The following PLCH1 variants were observed in gnomAD, a reference collection of about 807,000 sequenced individuals.
PLCH1 encodes the protein 1-phosphatidylinositol 4,5-bisphosphate phosphodiesterase eta-1.
A neutral mutation model predicts 126.7 loss-of-function variants in PLCH1; 60 were observed. The ratio of observed to expected loss-of-function variants is 0.47; its 90% CI spans 0.38 to 0.59. The LOEUF is 0.59. PLCH1 is among the 20% of genes least tolerant of loss of function. The pLI is 0.00. For synonymous variants in PLCH1, 719 were observed against 734.9 expected, an observed-to-expected ratio of 0.98 and a Z score of 0.35; for missense variants, 1,723 against 2,040.0, an observed-to-expected ratio of 0.84 and a Z score of 2.99.
chr3:155,530,013 C>T (rs567613286), intron 10 of PLCH1, among the ~76,000 whole-genome samples: 4 of 152,214 alleles, frequency 2.6e-5, no homozygotes, highest in Admixed American at 1.3e-4. Flanking sequence ...GTGATCCACC[C>T]GCCTTGGCCT....
Position 155,715,946 on chromosome 3 carries a change from C to T in PLCH1, c.-40-11682G>A, listed in dbSNP as rs144730462. ...GGGCCTATTTTGCATCTTTTTCTAA[C>T]CTTCTAATTTCAACGTTTAACTGTT... On this transcript the variant is annotated intron_variant, in intron 1 of 22. Transcript: ENST00000460012. 2.5e-3 allele frequency among the ~76,000 whole-genome samples: 385 copies of T among 152,194 alleles called. 4 individuals carry two copies. Among genetic ancestry groups the T allele is most frequent in the African/African-American group, 8.7e-3 (363 of 41,528 alleles).
Position 155,486,065 on chromosome 3 carries a change from G to A in PLCH1, c.2620-355C>T, listed in dbSNP as rs185733343. 3,127 of 837,448 alleles carry A rather than the reference G, an allele frequency of 3.7e-3. 17 individuals carry two copies. The highest frequency in any genetic ancestry group is 3.7e-3 in the Non-Finnish European group (1,963 of 525,234). The allele number at this position is 837,448 out of a possible 1,614,324, so 51.9% of individuals were successfully genotyped here. ...TTTCAAAGTGGTAAGCAGGAAGATG[G>A]AGTGATATGAAAAAGCATGCTGCCA... is the stretch of plus-strand genomic sequence containing the variant. On this transcript the variant is annotated intron_variant, in intron 21 of 22. Transcript: ENST00000460012.
chr3:155,682,225 G>C (rs928939196), intron 2 of PLCH1, among the ~76,000 whole-genome samples: 1 of 152,190 alleles, frequency 6.6e-6, no homozygotes, highest in Non-Finnish European at 1.5e-5. Flanking sequence ...AAATGAATGA[G>C]AGAAGGTAGA....
In PLCH1 at chr3:155,480,780, CA is replaced by C; in HGVS notation, c.*187del. The C allele has an allele frequency of 5.2e-6, 3 of 580,516 alleles. No individual in the cohort carries two copies. The East Asian group carries it at 8.5e-5, about 16-fold the overall frequency. The allele number at this position is 580,516 out of a possible 1,614,324, so 36.0% of individuals were successfully genotyped here. On this transcript the variant is annotated 3_prime_UTR_variant, in exon 23 of 23. Coordinates refer to ENST00000460012, the MANE Select transcript of PLCH1 (RefSeq NM_014996.4). ...CAAGGGAGAAAGATCATAATAGGTACATGGGAAATGTCACCAAATCTATATA... is the reference window on the plus strand; with the variant it reads ...CAAGGGAGAAAGATCATAATAGGTACTGGGAAATGTCACCAAATCTATATA...
At chr3:155,666,439 G>C (rs780296889) in intron 2 of PLCH1, among the ~76,000 whole-genome samples, 1 of 152,054 alleles carries the variant, frequency 6.6e-6, no homozygotes, top group South Asian at 2.1e-4. Context: ...CTGGTCTATG[G>C]ATGATCCTAA....
chr3:155,623,007 T>C (rs926738923), intron 2 of PLCH1, among the ~76,000 whole-genome samples: 3 of 152,114 alleles, frequency 2.0e-5, no homozygotes, highest in Non-Finnish European at 4.4e-5. Context: ...GACCATATAA[T>C]TGGAAGTAAA....
In PLCH1 at chr3:155,550,977, G is replaced by T. The variant is rs187061449; in HGVS notation, c.1191-1019C>A. On this transcript the variant is annotated intron_variant, in intron 9 of 22. Transcript: ENST00000460012. ...AGATGAGCCTTTGTGGCTGAGGTAG[G>T]TTTCCTTACTCGACTACAATCTGTT... 2.6e-3 allele frequency among the ~76,000 whole-genome samples: 393 copies of T among 152,254 alleles called. 1 individual carries two copies. Among genetic ancestry groups the T allele is most frequent in the Admixed American group, 9.3e-3 (142 of 15,302 alleles).
intron 2 of PLCH1, among the ~76,000 whole-genome samples, chr3:155,613,684 C>T (rs1336852377): frequency 6.6e-6 from 1 of 152,142 alleles, no homozygotes; most frequent in African/African-American, 2.4e-5. Context: ...GACAAATGCA[C>T]AGACAACATA....
downstream of PLCH1, among the ~76,000 whole-genome samples, chr3:155,477,305 A>C (rs1713585097): frequency 6.6e-6 from 1 of 152,174 alleles, no homozygotes; most frequent in South Asian, 2.1e-4. Context: ...ACTACAAGAA[A>C]ATATTGGAAA....
intron 21 of PLCH1, among the ~76,000 whole-genome samples, chr3:155,470,026 C>T (rs1041307392): frequency 6.6e-6 from 1 of 152,200 alleles, no homozygotes; most frequent in African/African-American, 2.4e-5. Flanking sequence ...CGCCTCTCCT[C>T]CTCCAAAGGA....
intron 2 of PLCH1, among the ~76,000 whole-genome samples, chr3:155,637,806 C>T (rs886928483): frequency 1.3e-5 from 2 of 152,148 alleles, no homozygotes; most frequent in African/African-American, 2.4e-5. Context: ...TTTAAAGTAA[C>T]CTTTCAAATC....
At position 155,681,762 on chromosome 3, in the gene PLCH1, G is replaced by A. The variant is rs141074616; in HGVS notation, c.79+22384C>T. On this transcript the variant is annotated intron_variant, in intron 2 of 22. Transcript: ENST00000460012. ...TCAACAAGAATTTTCCAATCTACAT[G>A]CAACCCCAAAGGGCTAGATGCAGGG... Among the ~76,000 whole-genome samples, 1,067 of 152,256 alleles carry A rather than the reference G, an allele frequency of 7.0e-3. 6 individuals carry two copies. Among genetic ancestry groups the A allele is most frequent in the South Asian group, 0.021 (102 of 4,818 alleles).
intron 8 of PLCH1, among the ~76,000 whole-genome samples, chr3:155,560,164 G>C (rs1289085367): frequency 6.6e-6 from 1 of 152,162 alleles, no homozygotes; most frequent in Admixed American, 6.5e-5. Flanking sequence ...AGAGTTGACT[G>C]TCACTTCATG....
At position 155,482,356 on chromosome 3, in the gene PLCH1, G is replaced by C. The variant is rs1055863479; in HGVS notation, c.3670C>G (p.Leu1224Val). 1.2e-6 allele frequency: 2 copies of C among 1,614,174 alleles called. No homozygotes were observed. Among genetic ancestry groups the C allele is most frequent in the Non-Finnish European group, 1.7e-6 (2 of 1,180,028 alleles). The change falls in exon 23 of 23, where the codon CTG becomes GTG. Residue 1224 changes from leucine to valine, a missense_variant. Physicochemically the swap from Leu to Val is conservative, Grantham distance 32. This residue lies in a region of PLCH1 where 947 missense variants were observed against 977.1 expected (regional missense o/e 0.97). Coordinates refer to ENST00000460012, the MANE Select transcript of PLCH1 (RefSeq NM_014996.4). ...VMSGHCPLPS[L>V]GLKMPIKHGF... Reference sequence around the variant, plus strand: ...TGCTTGATGGGCATTTTTAGGCCCAGGCTAGGCAAGGGACAATGGCCTGAC... The same window carrying C: ...TGCTTGATGGGCATTTTTAGGCCCACGCTAGGCAAGGGACAATGGCCTGAC...
At chr3:155,628,882 G>A (rs1188591179) in intron 2 of PLCH1, among the ~76,000 whole-genome samples, 4 of 152,168 alleles carry the variant, frequency 2.6e-5, no homozygotes, top group Non-Finnish European at 4.4e-5. Flanking sequence ...ATATATGGGA[G>A]ATGTTATATT....
chr3:155,479,147 G>A (rs549698677), downstream of PLCH1, among the ~76,000 whole-genome samples: 7 of 152,102 alleles, frequency 4.6e-5, no homozygotes, highest in African/African-American at 9.7e-5. Flanking sequence ...CAAAGATACC[G>A]TCAAATCCTA....
chr3:155,606,206 T>A (rs1734338719), intron 2 of PLCH1, among the ~76,000 whole-genome samples: 1 of 152,194 alleles, frequency 6.6e-6, no homozygotes, highest in South Asian at 2.1e-4. Flanking sequence ...CATTGAATTG[T>A]TTCTCCATTT....
intron 6 of PLCH1, among the ~76,000 whole-genome samples, chr3:155,570,845 A>C (rs1179300310): frequency 6.6e-6 from 1 of 152,208 alleles, no homozygotes; most frequent in East Asian, 1.9e-4. Flanking sequence ...AGGTGTTTTT[A>C]ATTTCAATAT....
chr3:155,631,307 A>C (rs1737990686), intron 2 of PLCH1, among the ~76,000 whole-genome samples: 1 of 150,784 alleles, frequency 6.6e-6, no homozygotes, highest in African/African-American at 2.5e-5. Flanking sequence ...CTAGGATCCT[A>C]GTGTAATGCT....
Sources: gnomAD v4.1 joint callset for allele counts (sites outside exome capture counted in the v4.1 genomes callset) on GRCh38, gnomAD v4.1.1 for gene constraint, gnomAD v4.1.1 regional missense constraint, MANE v1.5 for transcripts, NCBI Gene and HGNC (gene_info 2026-07-23, HGNC 2026-07-21) for gene names.